SENP7: variants seen among roughly 807,000 people sequenced by gnomAD.
The protein encoded by SENP7 is SUMO specific peptidase 7.
SENP7 carries 64 observed loss-of-function variants against 141.2 expected under a neutral mutation model. That is an observed-to-expected ratio of 0.45 (90% confidence interval 0.37 to 0.56). SENP7 has a LOEUF of 0.56. SENP7 is among the 20% of genes least tolerant of loss of function. The pLI, the probability that SENP7 is intolerant of heterozygous loss-of-function variation, is 0.00. For synonymous variants in SENP7, 382 were observed against 426.4 expected, an observed-to-expected ratio of 0.90 and a Z score of 1.28; for missense variants, 1,025 against 1,212.2, an observed-to-expected ratio of 0.85 and a Z score of 2.29.
rs145198629 is a variant in SENP7, at chr3:101,416,260, T to C, written c.482+1333A>G. 5.3e-5 allele frequency among the ~76,000 whole-genome samples: 8 copies of C among 152,308 alleles called. No individual in the cohort carries two copies. The East Asian group carries it at 1.5e-3, about 29-fold the overall frequency. On this transcript the variant is annotated intron_variant, in intron 5 of 23. Transcript: ENST00000394095. The stretch of plus-strand genomic sequence containing the variant: ...CTTACTGGGACTCTTTACTTCATAT[T>C]ATATTTGAATTTCATGAGCACATAA...
At position 101,479,802 on chromosome 3, in the gene SENP7, CA is replaced by C. The variant is rs756242957; in HGVS notation, c.186+14070del. Among the ~76,000 whole-genome samples, 238 of 85,834 alleles carry C rather than the reference CA, an allele frequency of 2.8e-3. 1 individual carries two copies. Among genetic ancestry groups the C allele is most frequent in the Middle Eastern group, 6.1e-3 (1 of 164 alleles). 56.3% of individuals were successfully genotyped at this position (85,834 alleles called of 152,430 possible). On this transcript the variant is annotated intron_variant, in intron 3 of 23. Transcript: ENST00000394095. Reference sequence around the variant, plus strand: ...CCTGGACAACAGAGTGAGACTCTGTCAAAAAAAAAAAAAAAAGTAGTGATTT... The same window carrying C: ...CCTGGACAACAGAGTGAGACTCTGTCAAAAAAAAAAAAAAAGTAGTGATTT...
At chr3:101,465,469 T>C (rs2063730072) in intron 3 of SENP7, among the ~76,000 whole-genome samples, 1 of 152,180 alleles carries the variant, frequency 6.6e-6, no homozygotes, top group African/African-American at 2.4e-5. Flanking sequence ...GGAGTCCTCA[T>C]GCTCAGCAAA....
Position 101,343,905 on chromosome 3 carries a change from T to C in SENP7, c.1887A>G (p.Gln629=), listed in dbSNP as rs775407066. 1 of 1,611,248 alleles carries C rather than the reference T, an allele frequency of 6.2e-7. No homozygotes were observed. The highest frequency in any genetic ancestry group is 1.1e-5 in the South Asian group (1 of 90,828). Residue 629 remains glutamine (Q), a synonymous_variant, in exon 14 of 24, where the codon CAA becomes CAG. Transcript: ENST00000394095. ...IFLELHNPVS[Q]REELKLKDIM... ...TATCTTTCAGCTTCAATTCTTCTCT[T>C]TGTGAAACAGGATTGTGTAGTTCAA... is the stretch of plus-strand genomic sequence containing the variant.
intron 4 of SENP7, among the ~76,000 whole-genome samples, chr3:101,455,296 A>G (rs918084442): frequency 4.6e-5 from 7 of 152,210 alleles, no homozygotes; most frequent in Non-Finnish European, 8.8e-5. Flanking sequence ...TTATAGTAAG[A>G]AGGCCTAAAT....
chr3:101,480,681 T>A (rs1333241232), intron 3 of SENP7, among the ~76,000 whole-genome samples: 1 of 151,862 alleles, frequency 6.6e-6, no homozygotes, highest in African/African-American at 2.4e-5. Flanking sequence ...AAACAATCAA[T>A]AGAATGAAGA....
Position 101,325,134 on chromosome 3 carries a change from A to C in SENP7, c.*809T>G, listed in dbSNP as rs1036011295. 2.6e-5 allele frequency: 4 copies of C among 152,052 alleles called. No individual in the cohort carries two copies. The highest frequency in any genetic ancestry group is 2.0e-4 in the Admixed American group (3 of 15,230). The allele number at this position is 152,052 out of a possible 1,614,324, so 9.4% of individuals were successfully genotyped here. On this transcript the variant is annotated 3_prime_UTR_variant, in exon 24 of 24. Coordinates refer to ENST00000394095, the MANE Select transcript of SENP7 (RefSeq NM_020654.5). The stretch of plus-strand genomic sequence containing the variant: ...TTCTATATTAGAGAAACTATACATA[A>C]ATTCCGTGATAATGTGAGTGAATAT...
intron 13 of SENP7, among the ~76,000 whole-genome samples, chr3:101,344,781 T>C (rs1323743061): frequency 6.6e-6 from 1 of 152,058 alleles, no homozygotes; most frequent in Admixed American, 6.6e-5. Flanking sequence ...CAAAGACTTC[T>C]ATATTTTATT....
At chr3:101,423,584 A>T (rs1041926847) in intron 4 of SENP7, among the ~76,000 whole-genome samples, 1 of 152,194 alleles carries the variant, frequency 6.6e-6, no homozygotes, top group Non-Finnish European at 1.5e-5. Context: ...CAGGCTCCCA[A>T]CACAGTGGCT....
At chr3:101,361,888 A>G in intron 10 of SENP7, 27 bp from the exon 11 acceptor site, 1 of 1,573,596 alleles carries the variant, frequency 6.4e-7, no homozygotes, top group Middle Eastern at 1.7e-4. Flanking sequence ...CATAAAATGC[A>G]TATAATTCTT....
intron 4 of SENP7, among the ~76,000 whole-genome samples, chr3:101,454,156 A>C (rs931294427): frequency 6.6e-6 from 1 of 152,240 alleles, no homozygotes; most frequent in Non-Finnish European, 1.5e-5. Context: ...AAAGTTAAAC[A>C]ATATTAATGC....
At chr3:101,410,998 A>C (rs1309849983) in intron 5 of SENP7, among the ~76,000 whole-genome samples, 2 of 152,206 alleles carry the variant, frequency 1.3e-5, no homozygotes, top group African/African-American at 2.4e-5. Context: ...CACAGGAATT[A>C]ACAGCAAGGA....
Position 101,364,879 on chromosome 3 carries a change from T to C in SENP7, c.1431A>G (p.Glu477=). 6.2e-7 allele frequency: 1 copy of C among 1,602,818 alleles called. No homozygotes were observed. Among genetic ancestry groups the C allele is most frequent in the Non-Finnish European group, 8.5e-7 (1 of 1,174,548 alleles). The change falls in exon 10 of 24, where the codon GAA becomes GAG. Residue 477 remains glutamate (E), a synonymous_variant. Coordinates refer to ENST00000394095, the MANE Select transcript of SENP7 (RefSeq NM_020654.5). ...ETTNENESTS[E]SALLELPLIT... ...TCAATGGTAGTTCTAACAATGCTGATTCAGAAGTACTCTCATTTTCATTAG... is the reference window on the plus strand; with the variant it reads ...TCAATGGTAGTTCTAACAATGCTGACTCAGAAGTACTCTCATTTTCATTAG...
chr3:101,365,081 C>A, intron 9 of SENP7, 90 bp from the exon 10 acceptor site: 1 of 775,424 alleles, frequency 1.3e-6, no homozygotes, highest in Admixed American at 4.1e-5. Context: ...CGGCTCACTG[C>A]AACCTCCACC....
In SENP7 at chr3:101,459,185, A is replaced by C. The variant is rs964024643; in HGVS notation, c.187-133T>G. On this transcript the variant is annotated intron_variant, in intron 3 of 23. Transcript: ENST00000394095. ...GTTCACAGAGAAAAATAATAAGTGC[A>C]ATCTATGGAATATCTGGCTCTTTTA... is the stretch of plus-strand genomic sequence containing the variant. 4 of 460,008 alleles carry C rather than the reference A, an allele frequency of 8.7e-6. No homozygotes were observed. In the East Asian group the frequency reaches 1.0e-4, roughly 12 times the overall value. 28.5% of individuals were successfully genotyped at this position (460,008 alleles called of 1,614,324 possible). A position where few individuals can be genotyped will look rare whatever the true frequency, so the allele number is the denominator to read the frequency against.
At chr3:101,368,350 G>C (rs1490008094) in intron 7 of SENP7, among the ~76,000 whole-genome samples, 30 of 151,688 alleles carry the variant, frequency 2.0e-4, no homozygotes. Flanking sequence ...AAAAAAAGGG[G>C]ATTAAGAAAA....
intron 4 of SENP7, among the ~76,000 whole-genome samples, chr3:101,446,053 G>A (rs530674498): frequency 8.1e-4 from 123 of 152,238 alleles, no homozygotes; most frequent in African/African-American, 2.8e-3. Flanking sequence ...ATTGGTTCGT[G>A]GGGGAGAATG....
chr3:101,420,471 G>A (rs1263090959), intron 4 of SENP7, among the ~76,000 whole-genome samples: 3 of 152,144 alleles, frequency 2.0e-5, no homozygotes, highest in South Asian at 2.1e-4. Context: ...AGAAACACAC[G>A]TTGTCTTACA....
chr3:101,392,565 TCC>T (rs2060846000), intron 6 of SENP7, among the ~76,000 whole-genome samples: 1 of 152,116 alleles, frequency 6.6e-6, no homozygotes, highest in Non-Finnish European at 1.5e-5. Flanking sequence ...TGGAAAGATA[TCC>T]CAAGCTCATG....
intron 1 of SENP7, among the ~76,000 whole-genome samples, chr3:101,511,301 G>A (rs2065846465): frequency 6.6e-6 from 1 of 152,142 alleles, no homozygotes; most frequent in African/African-American, 2.4e-5. Context: ...CAGGTAAAAA[G>A]GAACGTGACT....
Sources: allele counts gnomAD v4.1 joint callset (sites outside exome capture counted in the v4.1 genomes callset), GRCh38; gene constraint gnomAD v4.1.1; transcripts MANE v1.5; gene names NCBI Gene and HGNC (gene_info 2026-07-23, HGNC 2026-07-21).